AFAP1: variants seen among roughly 807,000 people sequenced by gnomAD.
AFAP1 encodes actin filament associated protein 1.
A neutral mutation model predicts 93.9 loss-of-function variants in AFAP1; 75 were observed. That is an observed-to-expected ratio of 0.80 (90% CI 0.66 to 0.97). AFAP1 has a LOEUF of 0.97. Ranked by LOEUF, AFAP1 falls within the 50% of genes least tolerant of loss-of-function variation. AFAP1 has a pLI of 0.00. For synonymous variants in AFAP1, 517 were observed against 430.7 expected (o/e 1.20, Z -2.48); for missense variants, 1,201 against 1,050.8 (o/e 1.14, Z -1.98).
chr4:7,912,824 T>C (rs183410214), intron 1 of AFAP1, among the ~76,000 whole-genome samples: 671 of 152,214 alleles, frequency 4.4e-3, no homozygotes, highest in Middle Eastern at 0.027. Context: ...GAGTTCAGGT[T>C]TTTTTTCTAT....
At chr4:7,875,638 G>C (rs942277474) in intron 1 of AFAP1, among the ~76,000 whole-genome samples, 10 of 151,440 alleles carry the variant, frequency 6.6e-5, no homozygotes, top group Non-Finnish European at 1.5e-4. Flanking sequence ...AAATGGAGGT[G>C]GGGGGCGGGA....
chr4:7,876,632 C>T (rs976565660), intron 1 of AFAP1, among the ~76,000 whole-genome samples: 10 of 152,326 alleles, frequency 6.6e-5, no homozygotes, highest in Non-Finnish European at 8.8e-5. Context: ...GTGTCTCAGA[C>T]GCCGACCATG....
At chr4:7,892,339 C>T (rs1226941530) in intron 1 of AFAP1, among the ~76,000 whole-genome samples, 3 of 152,206 alleles carry the variant, frequency 2.0e-5, no homozygotes, top group Non-Finnish European at 2.9e-5. Flanking sequence ...TGCAGATGTC[C>T]AGAGTGACAG....
At position 7,816,060 on chromosome 4, in the gene AFAP1, C is replaced by A; in HGVS notation, c.862G>T (p.Val288Phe). ...CATGTGGTAATTCCATTTTCCACAA[C>A]ACCCTCCCCATCTGAGCTGGGTCTC... ...SERPSSDGEGVVENGITTCNG... is the reference protein window; with the variant it reads ...SERPSSDGEGFVENGITTCNG... Residue 288 changes from valine (V) to phenylalanine (F), a missense_variant, in exon 8 of 18, where the codon GTT (valine) becomes TTT (phenylalanine). Val to Phe is a conservative substitution (Grantham distance 50). Coordinates refer to ENST00000420658, the MANE Select transcript of AFAP1 (RefSeq NM_001134647.2). 6.2e-7 allele frequency: 1 copy of A among 1,612,928 alleles called. No homozygotes were observed.
At chr4:7,812,081 G>T (rs956611358) in intron 8 of AFAP1, among the ~76,000 whole-genome samples, 1 of 152,016 alleles carries the variant, frequency 6.6e-6, no homozygotes, top group Non-Finnish European at 1.5e-5. Flanking sequence ...TAGGACAGCT[G>T]TATCACTTCA....
chr4:7,898,345 T>A (rs542107459), intron 1 of AFAP1, among the ~76,000 whole-genome samples: 3 of 151,994 alleles, frequency 2.0e-5, no homozygotes, highest in African/African-American at 7.2e-5. Flanking sequence ...AAGGCAGAGG[T>A]TGCAGTGAGC....
chr4:7,914,341 C>A (rs895230081), intron 1 of AFAP1, among the ~76,000 whole-genome samples: 4 of 152,192 alleles, frequency 2.6e-5, no homozygotes, highest in African/African-American at 7.2e-5. Flanking sequence ...AGGCATGAGC[C>A]ACCGTGCCCA....
At chr4:7,794,466 C>G (rs16841289) in intron 10 of AFAP1, among the ~76,000 whole-genome samples, 1,645 of 152,250 alleles carry the variant, frequency 0.011, 25 homozygotes, top group African/African-American at 0.037. Context: ...GCTTAATTTG[C>G]AAGTCTGAAA....
At chr4:7,902,482 G>T (rs996664180) in intron 1 of AFAP1, among the ~76,000 whole-genome samples, 1 of 152,262 alleles carries the variant, frequency 6.6e-6, no homozygotes, top group East Asian at 1.9e-4. Flanking sequence ...GAAGAAAACA[G>T]AAACTGGAAT....
rs114843830 is a variant in AFAP1, at chr4:7,892,917, C to A, written c.-2-20837G>T. On this transcript the variant is annotated intron_variant, in intron 1 of 17. Coordinates refer to ENST00000420658, the MANE Select transcript of AFAP1 (RefSeq NM_001134647.2). ...CCTCCTTGAGATGGCAGAGGGCAGA[C>A]GGAGAAAAAGACCATCAAGAGAACA... 5.8e-3 allele frequency among the ~76,000 whole-genome samples: 886 copies of A among 152,104 alleles called. 6 individuals carry two copies. Among genetic ancestry groups the A allele is most frequent in the African/African-American group, 0.019 (776 of 41,484 alleles).
chr4:7,775,397 G>C (rs542759532), intron 14 of AFAP1: 20 of 152,922 alleles, frequency 1.3e-4, no homozygotes, highest in African/African-American at 4.8e-4. Context: ...TAATTAATCT[G>C]CAACAAGGTG....
chr4:7,838,734 T>C, intron 5 of AFAP1, 31 bp from the exon 6 acceptor site: 1 of 1,603,926 alleles, frequency 6.2e-7, no homozygotes, highest in Non-Finnish European at 8.5e-7. Context: ...CAACTGATAT[T>C]ATAAGGGAGT....
Position 7,834,952 on chromosome 4 carries a change from G to A in AFAP1, c.726+3572C>T, listed in dbSNP as rs180770496. Among the ~76,000 whole-genome samples the A allele has an allele frequency of 2.7e-5, 4 of 148,276 alleles. No individual in the cohort carries two copies. The East Asian group carries it at 6.5e-4, about 24-fold the overall frequency. On this transcript the variant is annotated intron_variant, in intron 6 of 17. Coordinates refer to ENST00000420658, the MANE Select transcript of AFAP1 (RefSeq NM_001134647.2). ...CCTGGGTGGCTCTTGAATGGACTGC[G>A]GGCTGCCTTAAAGTTACCTGGGTGG...
intron 6 of AFAP1, among the ~76,000 whole-genome samples, chr4:7,822,920 G>A (rs1721103493): frequency 2.0e-5 from 3 of 151,886 alleles, no homozygotes; most frequent in Admixed American, 2.0e-4. Context: ...TTCAACAGGG[G>A]AACTTCTTTG....
At chr4:7,880,303 G>A (rs143711087) in intron 1 of AFAP1, among the ~76,000 whole-genome samples, 1,815 of 117,676 alleles carry the variant, frequency 0.015, 32 homozygotes, top group African/African-American at 0.053. Context: ...TTTTTGAGAC[G>A]GAGTCTCACT....
intron 4 of AFAP1, among the ~76,000 whole-genome samples, chr4:7,848,099 A>AAGGAAGGAAGGAAGGAAGGAAGGAAG (rs1713955569): frequency 1.7e-5 from 2 of 116,020 alleles, no homozygotes; most frequent in Admixed American, 8.4e-5. Flanking sequence ...AGGGAAGGAA[A>AAGGAAGGAAGGAAGGAAGGAAGGAAG]GAAGGAAGGA....
chr4:7,915,773 G>T (rs760962732), intron 1 of AFAP1, among the ~76,000 whole-genome samples: 1 of 152,274 alleles, frequency 6.6e-6, no homozygotes, highest in Non-Finnish European at 1.5e-5. Flanking sequence ...CCTGCGGCAA[G>T]CCCCTCAATG....
chr4:7,924,277 A>G (rs1160874021), intron 1 of AFAP1, among the ~76,000 whole-genome samples: 1 of 152,220 alleles, frequency 6.6e-6, no homozygotes, highest in African/African-American at 2.4e-5. Context: ...CAAATTCCAC[A>G]AATAACTTCC....
chr4:7,844,755 G>C (rs574176236), intron 4 of AFAP1, among the ~76,000 whole-genome samples: 27 of 152,336 alleles, frequency 1.8e-4, no homozygotes, highest in African/African-American at 5.1e-4. Context: ...AAATACCAGC[G>C]CCCGTCATTC....
Sources: allele counts gnomAD v4.1 joint callset (sites outside exome capture counted in the v4.1 genomes callset), GRCh38; gene constraint gnomAD v4.1.1; transcripts MANE v1.5; gene names NCBI Gene and HGNC (gene_info 2026-07-23, HGNC 2026-07-21).